Variants in MGAT5 observed in about 807,000 individuals in gnomAD.
MGAT5 encodes alpha-1,6-mannosylglycoprotein 6-beta-N-acetylglucosaminyltransferase.
A neutral mutation model predicts 94.3 loss-of-function variants in MGAT5; 30 were observed. The ratio of observed to expected loss-of-function variants is 0.32; its 90% CI spans 0.24 to 0.43. MGAT5 has a LOEUF of 0.43. Among genes scored for constraint, MGAT5 ranks in the 20% least tolerant of loss-of-function variants. The probability of loss-of-function intolerance (pLI) is 1.00; values close to 1 mark genes in which losing one functional copy is unlikely to be tolerated. For missense variants in MGAT5, 691 were observed against 905.5 expected, an observed-to-expected ratio of 0.76 and a Z score of 3.04; for synonymous variants, 310 against 322.9, an observed-to-expected ratio of 0.96 and a Z score of 0.43.
At chr2:134,412,635 G>A (rs1434641304) in intron 11 of MGAT5, among the ~76,000 whole-genome samples, 1 of 152,078 alleles carries the variant, frequency 6.6e-6, no homozygotes, top group African/African-American at 2.4e-5. Flanking sequence ...CCTTGGTGGA[G>A]GAGAGCATAG....
At chr2:134,315,547 G>T (rs1189792424) in intron 2 of MGAT5, among the ~76,000 whole-genome samples, 1 of 152,218 alleles carries the variant, frequency 6.6e-6, no homozygotes, top group African/African-American at 2.4e-5. Context: ...AACACAGAAT[G>T]CTTTTCCAGA....
At chr2:134,122,706 C>T (rs778788226) in intron 1 of MGAT5, among the ~76,000 whole-genome samples, 8 of 152,230 alleles carry the variant, frequency 5.3e-5, no homozygotes, top group Non-Finnish European at 8.8e-5. Context: ...TTTGTTTCAG[C>T]CTGCCTTCTT....
Position 134,147,026 on chromosome 2 carries a change from ACC to A in MGAT5, c.-143+26737_-143+26738del, listed in dbSNP as rs374330524. 2.1e-3 allele frequency among the ~76,000 whole-genome samples: 324 copies of A among 152,174 alleles called. 1 individual carries two copies. Among genetic ancestry groups the A allele is most frequent in the African/African-American group, 7.3e-3 (304 of 41,440 alleles). ...TATTTTATTGTTTAGTTAAAAAAAA[ACC>A]CTTTTAATTTATAACTGGAATTTCA... is the stretch of plus-strand genomic sequence containing the variant. On this transcript the variant is annotated intron_variant, in intron 1 of 16. Coordinates refer to the MGAT5 transcript ENST00000409645.
intron 2 of MGAT5, among the ~76,000 whole-genome samples, chr2:134,288,790 C>T (rs984056737): frequency 6.6e-6 from 1 of 152,098 alleles, no homozygotes; most frequent in African/African-American, 2.4e-5. Flanking sequence ...GCTGTTGTAG[C>T]CATGCTCTCC....
chr2:134,413,030 A>G lies in MGAT5; in HGVS notation c.1677+15A>G. The G allele has an allele frequency of 1.2e-6, 2 of 1,613,826 alleles. No individual in the cohort carries two copies. The highest frequency in any genetic ancestry group is 2.2e-5 in the South Asian group (2 of 91,078). On this transcript the variant is annotated intron_variant, in intron 12 of 15. Coordinates refer to ENST00000281923, the MANE Select transcript of MGAT5 (RefSeq NM_002410.5). ...CTCTGAGAGAGGTAAGCATCTATCAAAATTATTCCATTTTGAATAATATGA... is the reference window on the plus strand; with the variant it reads ...CTCTGAGAGAGGTAAGCATCTATCAGAATTATTCCATTTTGAATAATATGA...
chr2:134,131,608 G>A (rs565008732), intron 1 of MGAT5, among the ~76,000 whole-genome samples: 292 of 117,876 alleles, frequency 2.5e-3, no homozygotes, highest in African/African-American at 9.1e-3. Flanking sequence ...TTTTACTATT[G>A]GCCTCTGTTA....
intron 2 of MGAT5, among the ~76,000 whole-genome samples, chr2:134,275,648 A>ACCACAGC (rs1684314972): frequency 7.4e-6 from 1 of 135,252 alleles, no homozygotes; most frequent in Non-Finnish European, 1.5e-5. Flanking sequence ...CAGTGGCACT[A>ACCACAGC]TCACAGCTCT....
intron 10 of MGAT5, among the ~76,000 whole-genome samples, chr2:134,386,105 A>T (rs1681955434): frequency 6.6e-6 from 1 of 152,204 alleles, no homozygotes; most frequent in African/African-American, 2.4e-5. Flanking sequence ...AAAAATTTTG[A>T]TGCAGAGTAA....
intron 10 of MGAT5, among the ~76,000 whole-genome samples, chr2:134,378,509 ACTCT>A (rs1164551931): frequency 6.6e-6 from 1 of 151,304 alleles, no homozygotes; most frequent in African/African-American, 2.4e-5. Flanking sequence ...TGTGCCATTT[ACTCT>A]CTCTGTGCTC....
intron 2 of MGAT5, among the ~76,000 whole-genome samples, chr2:134,286,383 A>G (rs1685002502): frequency 6.6e-6 from 1 of 151,902 alleles, no homozygotes; most frequent in African/African-American, 2.4e-5. Context: ...CTCATCCTGT[A>G]ATAGTTTTCT....
chr2:134,330,389 C>T lies in MGAT5; in HGVS notation c.574-5828C>T, dbSNP rs145528826. Among the ~76,000 whole-genome samples the T allele has an allele frequency of 1.7e-3, 253 of 152,218 alleles. 1 individual carries two copies. The highest frequency in any genetic ancestry group is 2.5e-3 in the Non-Finnish European group (168 of 68,000). On this transcript the variant is annotated intron_variant, in intron 4 of 15. Coordinates refer to ENST00000281923, the MANE Select transcript of MGAT5 (RefSeq NM_002410.5). ...CTCACTAAGCTTGGCCTAAAGGTAA[C>T]TCTAATGTATCCTGGTCAGAGAGGC...
chr2:134,241,834 G>T (rs964007131), intron 1 of MGAT5, among the ~76,000 whole-genome samples: 2 of 152,148 alleles, frequency 1.3e-5, no homozygotes, highest in African/African-American at 4.8e-5. Context: ...GTTGGGCAAA[G>T]CCGACCTAGA....
intron 1 of MGAT5, among the ~76,000 whole-genome samples, chr2:134,232,938 C>T (rs1049620163): frequency 6.6e-6 from 1 of 152,178 alleles, no homozygotes; most frequent in South Asian, 2.1e-4. Flanking sequence ...GCCAAGAATA[C>T]ATTTGAGTAA....
chr2:134,161,621 A>T (rs921490490), intron 1 of MGAT5, among the ~76,000 whole-genome samples: 4 of 152,116 alleles, frequency 2.6e-5, no homozygotes, highest in East Asian at 1.9e-4. Context: ...CTGGAAGAAT[A>T]GAGTTTATTT....
chr2:134,341,897 ATTATTT>A, intron 7 of MGAT5, 138 bp downstream of exon 7: 1 of 699,330 alleles, frequency 1.4e-6, no homozygotes, highest in African/African-American at 1.8e-5. Flanking sequence ...AGATAAGAAG[ATTATTT>A]TCAGGAGCTA....
chr2:134,448,741 ACCT>A lies in MGAT5; in HGVS notation c.2124_2126del (p.Leu710del), dbSNP rs749220743. ...AATAAGCACTGTGTGTTTCAAGGTGACCTCCTGCTCTTCAGCTGTGCAGGCGCC... is the reference window on the plus strand; with the variant it reads ...AATAAGCACTGTGTGTTTCAAGGTGACCTGCTCTTCAGCTGTGCAGGCGCC... On this transcript the variant is annotated inframe_deletion, in exon 16 of 16. Coordinates refer to ENST00000281923, the MANE Select transcript of MGAT5 (RefSeq NM_002410.5). The A allele has an allele frequency of 2.5e-6, 4 of 1,613,734 alleles. No individual in the cohort carries two copies. In the African/African-American group the frequency reaches 5.3e-5, roughly 22 times the overall value.
In MGAT5 at chr2:134,451,956, T is replaced by C. The variant is rs1686131690; in HGVS notation, c.*3109T>C. The C allele has an allele frequency of 6.6e-6, 1 of 152,272 alleles. No individual in the cohort carries two copies. The highest frequency in any genetic ancestry group is 2.1e-4 in the South Asian group (1 of 4,832). 9.4% of individuals were successfully genotyped at this position (152,272 alleles called of 1,614,324 possible). A position where few individuals can be genotyped will look rare whatever the true frequency, so the allele number is the denominator to read the frequency against. ...ATTACAGTTTGCTTTTTTGTGTGTT[T>C]GCTGTGCGTTTGGAGATATTAGTCA... On this transcript the variant is annotated 3_prime_UTR_variant, in exon 16 of 16. Coordinates refer to ENST00000281923, the MANE Select transcript of MGAT5 (RefSeq NM_002410.5).
intron 1 of MGAT5, among the ~76,000 whole-genome samples, chr2:134,227,257 G>A (rs1266431760): frequency 6.6e-6 from 1 of 152,078 alleles, no homozygotes; most frequent in Admixed American, 6.6e-5. Context: ...TGTGAATTAT[G>A]GACTGCAACA....
intron 10 of MGAT5, among the ~76,000 whole-genome samples, chr2:134,380,259 T>A (rs1168920666): frequency 1.3e-5 from 2 of 152,218 alleles, no homozygotes; most frequent in Admixed American, 6.5e-5. Context: ...TGGAAAGAAA[T>A]AAGCTAGAAA....
Sources: allele counts gnomAD v4.1 joint callset (sites outside exome capture counted in the v4.1 genomes callset), GRCh38; gene constraint gnomAD v4.1.1; transcripts MANE v1.5; gene names NCBI Gene and HGNC (gene_info 2026-07-23, HGNC 2026-07-21).